CRACR2A: variants seen among roughly 807,000 people sequenced by gnomAD.
CRACR2A encodes calcium release activated channel regulator 2A.
A neutral mutation model predicts 90.5 loss-of-function variants in CRACR2A; 79 were observed. That is an observed-to-expected ratio of 0.87 (90% CI 0.73 to 1.05). The LOEUF (loss-of-function observed/expected upper bound fraction) is 1.05, where lower values mean the gene tolerates loss of function less well. CRACR2A is among the 50% of genes least tolerant of loss of function. CRACR2A has a pLI of 0.00. For missense variants in CRACR2A, 823 were observed against 897.2 expected, an observed-to-expected ratio of 0.92 and a Z score of 1.06; for synonymous variants, 338 against 356.7, an observed-to-expected ratio of 0.95 and a Z score of 0.59.
chr12:3,694,970 G>A (rs946143244), intron 4 of CRACR2A, among the ~76,000 whole-genome samples: 4 of 152,128 alleles, frequency 2.6e-5, no homozygotes, highest in Non-Finnish European at 5.9e-5. Flanking sequence ...CAGTATTTCT[G>A]GGACTTAATG....
Position 3,659,483 on chromosome 12 carries a change from C to A in CRACR2A, c.762+81G>T, listed in dbSNP as rs977791582. 12 of 1,261,934 alleles carry A rather than the reference C, an allele frequency of 9.5e-6. No homozygotes were observed. The African/African-American group carries it at 1.3e-4, about 14-fold the overall frequency. 78.2% of individuals were successfully genotyped at this position (1,261,934 alleles called of 1,614,324 possible). Reference sequence around the variant, plus strand: ...GGAATCAATAGTGCATGGATGGGGGCACCAAAATCTTAAACCTGGGGGAGA... The same window carrying A: ...GGAATCAATAGTGCATGGATGGGGGAACCAAAATCTTAAACCTGGGGGAGA... On this transcript the variant is annotated intron_variant, in intron 8 of 19. Transcript: ENST00000440314.
chr12:3,616,795 A>C (rs1867692182), intron 19 of CRACR2A, among the ~76,000 whole-genome samples, 159 bp downstream of exon 19: 1 of 152,196 alleles, frequency 6.6e-6, no homozygotes, highest in Non-Finnish European at 1.5e-5. Context: ...ATCCCATACA[A>C]AGGCCCAGGA....
At chr12:3,713,883 C>G (rs1257764152) in intron 2 of CRACR2A, among the ~76,000 whole-genome samples, 1 of 152,202 alleles carries the variant, frequency 6.6e-6, no homozygotes, top group South Asian at 2.1e-4. Flanking sequence ...TTGCACAGGA[C>G]AGTTTGGGAG....
chr12:3,698,616 T>TG (rs1464638165), intron 3 of CRACR2A, among the ~76,000 whole-genome samples: 2 of 152,230 alleles, frequency 1.3e-5, no homozygotes, highest in Non-Finnish European at 2.9e-5. Flanking sequence ...CTGACCCATC[T>TG]GACCAGCCCC....
intron 3 of CRACR2A, among the ~76,000 whole-genome samples, chr12:3,701,022 T>C (rs1422844757): frequency 6.6e-6 from 1 of 151,980 alleles, no homozygotes; most frequent in Admixed American, 6.6e-5. Context: ...CTGACCACAA[T>C]GGAATTACAT....
intron 17 of CRACR2A, among the ~76,000 whole-genome samples, chr12:3,625,088 T>TA (rs58630407): frequency 1.3e-5 from 2 of 151,672 alleles, no homozygotes; most frequent in Non-Finnish European, 2.9e-5. Flanking sequence ...GCTAATATCT[T>TA]AAAAAAAAGG....
chr12:3,750,119 A>G (rs1390372993), intron 1 of CRACR2A, among the ~76,000 whole-genome samples: 2 of 150,908 alleles, frequency 1.3e-5, no homozygotes, highest in Non-Finnish European at 2.9e-5. Context: ...TATTTTTAGT[A>G]GAAATGAGGT....
chr12:3,677,515 C>A (rs1377388798), intron 6 of CRACR2A, among the ~76,000 whole-genome samples: 1 of 152,236 alleles, frequency 6.6e-6, no homozygotes, highest in Non-Finnish European at 1.5e-5. Context: ...TGCTACCCTG[C>A]AGTGAGGGCT....
At chr12:3,704,394 A>G (rs986824360) in intron 3 of CRACR2A, among the ~76,000 whole-genome samples, 1 of 152,192 alleles carries the variant, frequency 6.6e-6, no homozygotes, top group Non-Finnish European at 1.5e-5. Context: ...GGGATTACCA[A>G]GGGGCAACAG....
chr12:3,635,466 A>C (rs185233157), intron 14 of CRACR2A, among the ~76,000 whole-genome samples: 10 of 152,300 alleles, frequency 6.6e-5, no homozygotes, highest in African/African-American at 2.4e-4. Context: ...AATTCTTCAT[A>C]GTCTACCCTA....
intron 14 of CRACR2A, among the ~76,000 whole-genome samples, chr12:3,636,586 T>G (rs1174105965): frequency 5.9e-5 from 9 of 152,244 alleles, no homozygotes. Context: ...GAGCAGACGC[T>G]TAAGCCTTTT....
In CRACR2A at chr12:3,648,568, C is replaced by A; in HGVS notation, c.1092G>T (p.Gly364=). The A allele has an allele frequency of 6.2e-7, 1 of 1,614,166 alleles. No homozygotes were observed. Among genetic ancestry groups the A allele is most frequent in the East Asian group, 2.2e-5 (1 of 44,870 alleles). The change falls in exon 11 of 20, where the codon GGG becomes GGT. Residue 364 remains glycine, a synonymous_variant. Transcript: ENST00000440314. The part of the protein sequence containing the change: ...VTESLQREKA[G]LLKQLDFLRE... ...TTAGGAAATCCAGCTGCTTGAGGAG[C>A]CCGGCCTTCTCACGCTGTAGACTCT...
intron 3 of CRACR2A, among the ~76,000 whole-genome samples, chr12:3,700,933 A>G (rs1402356839): frequency 6.6e-6 from 1 of 152,212 alleles, no homozygotes. Context: ...TGGAATACTG[A>G]CCAAGATAAT....
At chr12:3,712,993 T>C (rs1248754926) in intron 3 of CRACR2A, among the ~76,000 whole-genome samples, 2 of 151,654 alleles carry the variant, frequency 1.3e-5, no homozygotes, top group Non-Finnish European at 2.9e-5. Flanking sequence ...CCCAGAGGCC[T>C]CCCTTAAATG....
chr12:3,648,201 C>T (rs766360694), intron 11 of CRACR2A: 213 of 1,145,582 alleles, frequency 1.9e-4, no homozygotes, highest in Non-Finnish European at 2.1e-4. Flanking sequence ...TGACAATGAA[C>T]GAGATAATAT....
intron 1 of CRACR2A, among the ~76,000 whole-genome samples, chr12:3,742,319 TTCC>T (rs1421924609): frequency 9.9e-5 from 15 of 152,206 alleles, no homozygotes; most frequent in African/African-American, 1.7e-4. Flanking sequence ...TCCCATCTTC[TTCC>T]ACTCTATAGC....
chr12:3,638,171 G>A lies in CRACR2A; in HGVS notation c.1555C>T (p.Pro519Ser). Residue 519 changes from proline to serine, a missense_variant, in exon 14 of 20, where the codon CCC (proline) becomes TCC (serine). Physicochemically the swap from Pro to Ser is moderately conservative, Grantham distance 74. Coordinates refer to ENST00000440314, the MANE Select transcript of CRACR2A (RefSeq NM_001144958.2). ...ACAGGCTGCCCTCGGGGGGATGTGG[G>A]GGTGAGTTTCAAGGGTGGGGCCTCC... is the stretch of plus-strand genomic sequence containing the variant. The part of the protein sequence containing the change: ...IPEAPPLKLT[P>S]TSPRGQPVGK... The A allele has an allele frequency of 1.3e-6, 2 of 1,550,426 alleles. No individual in the cohort carries two copies. Among genetic ancestry groups the A allele is most frequent in the Non-Finnish European group, 1.7e-6 (2 of 1,145,998 alleles).
intron 4 of CRACR2A, among the ~76,000 whole-genome samples, chr12:3,687,165 C>T (rs1945572982): frequency 6.6e-6 from 1 of 151,290 alleles, no homozygotes; most frequent in South Asian, 2.1e-4. Context: ...GGAGGAGGGG[C>T]TTGCTCCTCT....
At chr12:3,648,731 G>A (rs1034299200) in intron 10 of CRACR2A, 118 bp from the exon 11 acceptor site, 8 of 1,406,312 alleles carry the variant, frequency 5.7e-6, no homozygotes, top group African/African-American at 1.4e-5. Context: ...TTGGAGGAAC[G>A]TGGCCTCCTC....
Sources: allele counts gnomAD v4.1 joint callset (sites outside exome capture counted in the v4.1 genomes callset), GRCh38; gene constraint gnomAD v4.1.1; transcripts MANE v1.5; gene names NCBI Gene and HGNC (gene_info 2026-07-23, HGNC 2026-07-21).